Variants in PCNX3 observed in about 807,000 individuals in gnomAD.
PCNX3 encodes pecanex-like protein 3.
A neutral mutation model predicts 207.2 loss-of-function variants in PCNX3; 58 were observed. The observed-to-expected ratio is 0.28, with a 90% CI of 0.23 to 0.35. PCNX3 has a LOEUF of 0.35. PCNX3 is among the 10% of genes least tolerant of loss of function. PCNX3 has a pLI of 1.00. For missense variants in PCNX3, 2,410 were observed against 2,774.4 expected, an observed-to-expected ratio of 0.87 and a Z score of 2.95; for synonymous variants, 1,337 against 1,183.5, an observed-to-expected ratio of 1.13 and a Z score of -2.66.
At chr11:65,622,598 G>A (rs927624552) in intron 11 of PCNX3, among the ~76,000 whole-genome samples, 1 of 152,034 alleles carries the variant, frequency 6.6e-6, no homozygotes, top group Non-Finnish European at 1.5e-5. Context: ...AAGTCCTGCT[G>A]AAAAAAACTT....
chr11:65,620,466 T>C (rs760136325), intron 9 of PCNX3, 37 bp downstream of exon 9: 12 of 1,599,562 alleles, frequency 7.5e-6, no homozygotes, highest in South Asian at 5.6e-5. Context: ...GCCATTGTCT[T>C]GGTGGCCTGC....
chr11:65,626,912 C>G lies in PCNX3; in HGVS notation c.3388C>G (p.Gln1130Glu), dbSNP rs921552679. The change falls in exon 21 of 35, where the codon CAG (glutamine) becomes GAG (glutamate). Residue 1130 changes from glutamine to glutamate, a missense_variant. Transcript: ENST00000355703. Reference protein sequence around the residue: ...YSQYEVRGAAQVMWFEKLYAG... With the variant: ...YSQYEVRGAAEVMWFEKLYAG... ...CTGGCCTCTCCACACAGGTGCCGCC[C>G]AGGTGATGTGGTTTGAGAAGCTGTA... 1.3e-6 allele frequency: 2 copies of G among 1,586,552 alleles called. No individual in the cohort carries two copies. Among genetic ancestry groups the G allele is most frequent in the Non-Finnish European group, 1.7e-6 (2 of 1,166,476 alleles).
Position 65,637,175 on chromosome 11 carries a change from G to A in PCNX3, c.*197G>A, listed in dbSNP as rs76759746. Reference sequence around the variant, plus strand: ...CCTGATCTCTCTCATCCCCAGTCCAGGGCCTGGGCTCCCCAGATGGAGGCA... The same window carrying A: ...CCTGATCTCTCTCATCCCCAGTCCAAGGCCTGGGCTCCCCAGATGGAGGCA... On this transcript the variant is annotated 3_prime_UTR_variant, in exon 35 of 35. Transcript: ENST00000355703. 4,333 of 628,762 alleles carry A rather than the reference G, an allele frequency of 6.9e-3. 254 individuals are homozygous for A. In the East Asian group the frequency reaches 0.11, roughly 16 times the overall value. The allele number at this position is 628,762 out of a possible 1,614,324, so 38.9% of individuals were successfully genotyped here.
chr11:65,620,051 C>T (rs1855002425), intron 8 of PCNX3, 119 bp downstream of exon 8: 4 of 1,126,448 alleles, frequency 3.6e-6, no homozygotes, highest in Non-Finnish European at 4.9e-6. Flanking sequence ...TGCTGCCAGA[C>T]ATCATCCTTG....
chr11:65,635,174 C>T lies in PCNX3; in HGVS notation c.4954-44C>T. On this transcript the variant is annotated intron_variant, in intron 30 of 34. Transcript: ENST00000355703. This position sits in a 1 kb window ranked among gnomAD's most constrained non-coding sequence, Gnocchi z 9.9. ...GGCAGGTGGGGGATGAAGCCTCTCT[C>T]CAGGGCAGGGGCCACTGACCCCTGT... is the stretch of plus-strand genomic sequence containing the variant. 1.2e-6 allele frequency: 2 copies of T among 1,603,542 alleles called. No homozygotes were observed. Among genetic ancestry groups the T allele is most frequent in the Non-Finnish European group, 1.7e-6 (2 of 1,174,056 alleles).
Position 65,628,636 on chromosome 11 carries a change from C to T in PCNX3, c.3744C>T (p.Tyr1248=). The T allele has an allele frequency of 1.2e-6, 2 of 1,613,680 alleles. No individual in the cohort carries two copies. Among genetic ancestry groups the T allele is most frequent in the Non-Finnish European group, 1.7e-6 (2 of 1,179,894 alleles). ...ACAAGCTGCGTTTCGTGCTGACCTA[C>T]ATCGCGCCCTGGCAGATCACCTGGG... ...LLYKLRFVLT[Y]IAPWQITWGS... Residue 1248 remains tyrosine, a synonymous_variant, in exon 23 of 35, where the codon TAC becomes TAT. Coordinates refer to ENST00000355703, the MANE Select transcript of PCNX3 (RefSeq NM_032223.4).
At chr11:65,634,436 C>G (rs939062776) in intron 28 of PCNX3, 80 bp downstream of exon 28, 6 of 1,507,768 alleles carry the variant, frequency 4.0e-6, no homozygotes, top group Middle Eastern at 1.7e-4. Flanking sequence ...CATTTGGTTT[C>G]CTCTCACTCT....
intron 8 of PCNX3, 38 bp downstream of exon 8, chr11:65,619,970 C>A: frequency 6.4e-7 from 1 of 1,555,520 alleles, no homozygotes; most frequent in East Asian, 2.3e-5. Context: ...AGTGCCTCCC[C>A]GCCTTCCCCC....
chr11:65,629,221 C>T, intron 24 of PCNX3, 136 bp from the exon 25 acceptor site: 3 of 1,002,040 alleles, frequency 3.0e-6, no homozygotes, highest in Non-Finnish European at 4.5e-6. Context: ...TGTACCTGAG[C>T]CTCAGTCTCC....
Position 65,619,010 on chromosome 11 carries a change from G to A in PCNX3, c.1648G>A (p.Ala550Thr), listed in dbSNP as rs1279097456. The A allele has an allele frequency of 3.8e-6, 6 of 1,596,414 alleles. No homozygotes were observed. The African/African-American group carries it at 4.0e-5, about 11-fold the overall frequency. ...GCCTGCTGAGGCGCGAAGGGGACCC[G>A]CTGCCAACCAGCCCGGCTGGCGGGG... ...VLPAEARRGP[A>T]ANQPGWRGEL... Residue 550 changes from alanine to threonine, a missense_variant, in exon 6 of 35, where the codon GCT becomes ACT. Around this residue, in one of 8 missense-constraint regions of PCNX3, gnomAD observed 1,104 missense variants for 970.3 expected, o/e 1.14. Coordinates refer to ENST00000355703, the MANE Select transcript of PCNX3 (RefSeq NM_032223.4).
intron 10 of PCNX3, among the ~76,000 whole-genome samples, chr11:65,621,661 C>T (rs1212863917): frequency 3.3e-5 from 5 of 152,218 alleles, no homozygotes; most frequent in African/African-American, 1.2e-4. Context: ...GGTTGCGTGC[C>T]TCTGGCTCGC....
At position 65,634,559 on chromosome 11, in the gene PCNX3, TC is replaced by T; in HGVS notation, c.4727del (p.Pro1576ArgfsTer154). 6.2e-7 allele frequency: 1 copy of T among 1,601,058 alleles called. No individual in the cohort carries two copies. ...RSQPVDQDWN[S>X]PLVTLCFGLC... ...ACAGCCCGTGGACCAGGATTGGAACTCCCCGCTGGTCACGCTGTGTTTTGGC... is the reference window on the plus strand; with the variant it reads ...ACAGCCCGTGGACCAGGATTGGAACTCCCGCTGGTCACGCTGTGTTTTGGC... On this transcript the variant is annotated frameshift_variant, in exon 29 of 35. Transcript: ENST00000355703. LOFTEE classifies it high-confidence loss of function.
In PCNX3 at chr11:65,620,834, C is replaced by G; in HGVS notation, c.2103C>G (p.Asp701Glu). The change falls in exon 10 of 35, where the codon GAC becomes GAG. Residue 701 changes from aspartate to glutamate, a missense_variant. Physicochemically the swap from Asp to Glu is conservative, Grantham distance 45. This residue lies in a region of PCNX3 where 1,104 missense variants were observed against 970.3 expected (regional missense o/e 1.14). Transcript: ENST00000355703. ...QGEQTANGAW[D>E]RHSHSSSFHS... ...CTGATGGCTGCTGTTCTCACAGGGA[C>G]CGACACTCGCATTCCTCCAGCTTCC... 1 of 1,595,868 alleles carries G rather than the reference C, an allele frequency of 6.3e-7. No individual in the cohort carries two copies. The highest frequency in any genetic ancestry group is 8.5e-7 in the Non-Finnish European group (1 of 1,172,364).
In PCNX3 at chr11:65,618,475, A is replaced by C. The variant is rs1854877948; in HGVS notation, c.1113A>C (p.Pro371=). 1 of 1,608,740 alleles carries C rather than the reference A, an allele frequency of 6.2e-7. No individual in the cohort carries two copies. Among genetic ancestry groups the C allele is most frequent in the East Asian group, 2.2e-5 (1 of 44,626 alleles). Residue 371 remains proline, a synonymous_variant, in exon 6 of 35, where the codon CCA becomes CCC. Coordinates refer to ENST00000355703, the MANE Select transcript of PCNX3 (RefSeq NM_032223.4). ...SFDTVIGAGT[P]PGLAEPLLVV... Reference sequence around the variant, plus strand: ...ACACGGTCATTGGAGCAGGGACGCCACCGGGCCTGGCTGAGCCGCTCCTGG... The same window carrying C: ...ACACGGTCATTGGAGCAGGGACGCCCCCGGGCCTGGCTGAGCCGCTCCTGG...
rs377764546 is a variant in PCNX3 at position 65,625,940 on chromosome 11, G to A, written c.3265G>A (p.Ala1089Thr). Residue 1089 changes from alanine to threonine, a missense_variant, in exon 20 of 35, where the codon GCC becomes ACC. Physicochemically the swap from Ala to Thr is moderately conservative, Grantham distance 58 (BLOSUM62 0). Coordinates refer to ENST00000355703, the MANE Select transcript of PCNX3 (RefSeq NM_032223.4). This position sits in a 1 kb window ranked among gnomAD's most constrained non-coding sequence, Gnocchi z 5.6. ...LGFVLYALAG[A>T]VGFFTHYLLP... The stretch of plus-strand genomic sequence containing the variant: ...TTTCGTGTTGTACGCACTGGCTGGG[G>A]CCGTGGGCTTCTTCACACATTACCT... The A allele has an allele frequency of 1.5e-5, 25 of 1,613,768 alleles. No individual in the cohort carries two copies. The highest frequency in any genetic ancestry group is 8.0e-5 in the African/African-American group (6 of 74,936).
chr11:65,627,673 T>A, intron 22 of PCNX3, 91 bp downstream of exon 22: 1 of 1,460,382 alleles, frequency 6.8e-7, no homozygotes, highest in Non-Finnish European at 9.4e-7. Flanking sequence ...CCTGAGGGCC[T>A]GTGGCCACCG....
chr11:65,625,655 G>C lies in PCNX3; in HGVS notation c.3139G>C (p.Glu1047Gln). 1 of 1,613,008 alleles carries C rather than the reference G, an allele frequency of 6.2e-7. No individual in the cohort carries two copies. The highest frequency in any genetic ancestry group is 8.5e-7 in the Non-Finnish European group (1 of 1,179,708). The part of the protein sequence containing the change: ...LPDKMRQSVR[E>Q]VLHSDLVMCV... ...AATGTCTCTCCTGGCCCTGCAGCGTGAGGTCTTGCACTCCGACCTGGTGAT... is the reference window on the plus strand; with the variant it reads ...AATGTCTCTCCTGGCCCTGCAGCGTCAGGTCTTGCACTCCGACCTGGTGAT... Residue 1047 changes from glutamate (E) to glutamine (Q), a missense_variant, in exon 19 of 35, where the codon GAG (glutamate) becomes CAG (glutamine). Around this residue, in one of 8 missense-constraint regions of PCNX3, gnomAD observed 333 missense variants for 386.8 expected, o/e 0.86. Coordinates refer to ENST00000355703, the MANE Select transcript of PCNX3 (RefSeq NM_032223.4). The surrounding 1 kb of genome is among the most constrained non-coding windows in gnomAD (Gnocchi z 5.6).
Position 65,620,820 on chromosome 11 carries a change from T to C in PCNX3, c.2100-11T>C, listed in dbSNP as rs1322259944. On this transcript the variant is annotated splice_polypyrimidine_tract_variant and intron_variant, in intron 9 of 34. Transcript: ENST00000355703. The stretch of plus-strand genomic sequence containing the variant: ...CCCGTGGGGGGATCCTGATGGCTGC[T>C]GTTCTCACAGGGACCGACACTCGCA... 20 of 1,594,442 alleles carry C rather than the reference T, an allele frequency of 1.3e-5. No individual in the cohort carries two copies. The highest frequency in any genetic ancestry group is 1.6e-5 in the Non-Finnish European group (19 of 1,171,722).
chr11:65,616,021 T>G lies in PCNX3; in HGVS notation c.-291T>G, dbSNP rs1854707385. 1 of 239,908 alleles carries G rather than the reference T, an allele frequency of 4.2e-6. No individual in the cohort carries two copies. Among genetic ancestry groups the G allele is most frequent in the Non-Finnish European group, 8.0e-6 (1 of 125,382 alleles). 14.9% of individuals were successfully genotyped at this position (239,908 alleles called of 1,614,324 possible). On this transcript the variant is annotated 5_prime_UTR_variant, in exon 1 of 35. Coordinates refer to ENST00000355703, the MANE Select transcript of PCNX3 (RefSeq NM_032223.4). ...GGGTACCCGGCCCGTGCCCCGCGCCTGCCTGCCGGCTCGGCCCCTCGGAGC... is the reference window on the plus strand; with the variant it reads ...GGGTACCCGGCCCGTGCCCCGCGCCGGCCTGCCGGCTCGGCCCCTCGGAGC...
Sources: allele counts gnomAD v4.1 joint callset (sites outside exome capture counted in the v4.1 genomes callset), GRCh38; gene constraint gnomAD v4.1.1; regional missense constraint gnomAD v4.1.1; non-coding constraint Gnocchi (gnomAD v3.1); transcripts MANE v1.5; gene names NCBI Gene and HGNC (gene_info 2026-07-23, HGNC 2026-07-21).